ARK2N: variants seen among roughly 807,000 people sequenced by gnomAD.
ARK2N encodes protein ARK2N.
the ARK2N span, among the ~76,000 whole-genome samples, chr18:46,203,139 G>C: frequency 6.6e-6 from 1 of 152,162 alleles, no homozygotes; most frequent in Non-Finnish European, 1.5e-5. Flanking sequence ...TAACTCCTGG[G>C]TATATATACA....
chr18:46,251,528 A>G, the ARK2N span, among the ~76,000 whole-genome samples: 53 of 152,296 alleles, frequency 3.5e-4, no homozygotes, highest in African/African-American at 1.3e-3. Context: ...AGCCATTCTA[A>G]GCATTAAAAA....
chr18:46,187,663 A>T, the ARK2N span, among the ~76,000 whole-genome samples: 2 of 152,034 alleles, frequency 1.3e-5, no homozygotes, highest in Non-Finnish European at 2.9e-5. Flanking sequence ...AAAGGCAGAA[A>T]TTTTTATTTT....
chr18:46,260,591 C>T, the ARK2N span, among the ~76,000 whole-genome samples: 8 of 152,320 alleles, frequency 5.3e-5, no homozygotes, highest in South Asian at 1.7e-3. Flanking sequence ...AGTGCCCTGT[C>T]TCCTATTCTC....
chr18:46,182,504 G>A, the ARK2N span, among the ~76,000 whole-genome samples: 2 of 152,254 alleles, frequency 1.3e-5, no homozygotes, highest in Non-Finnish European at 2.9e-5. Flanking sequence ...AGCACCTTGG[G>A]AGGCAGAGTT....
chr18:46,182,329 A>C, the ARK2N span, among the ~76,000 whole-genome samples: 2 of 152,172 alleles, frequency 1.3e-5, no homozygotes. Flanking sequence ...AGTGGAGAGA[A>C]TTTTGGCAGC....
chr18:46,216,386 C>A, the ARK2N span: 1 of 1,613,970 alleles, frequency 6.2e-7, no homozygotes, highest in Non-Finnish European at 8.5e-7. This position sits in a 1 kb window ranked among gnomAD's most constrained non-coding sequence, Gnocchi z 4.3. Flanking sequence ...GGCCGAGTCG[C>A]CAAGGTTAAA....
chr18:46,211,045 C>T, the ARK2N span, among the ~76,000 whole-genome samples: 1 of 152,040 alleles, frequency 6.6e-6, no homozygotes, highest in Admixed American at 6.6e-5. Flanking sequence ...ATAGAGAAAC[C>T]TTGAAGCCAA....
the ARK2N span, among the ~76,000 whole-genome samples, chr18:46,215,601 T>G: frequency 6.6e-6 from 1 of 152,208 alleles, no homozygotes; most frequent in African/African-American, 2.4e-5. Context: ...ATTAATATTA[T>G]GGCATTTTTA....
At chr18:46,194,134 T>G in the ARK2N span, among the ~76,000 whole-genome samples, 1 of 152,036 alleles carries the variant, frequency 6.6e-6, no homozygotes, top group Non-Finnish European at 1.5e-5. Flanking sequence ...AAATTTTTTG[T>G]ATAGATGGGG....
chr18:46,176,651 G>C, the ARK2N span, among the ~76,000 whole-genome samples: 1 of 150,342 alleles, frequency 6.7e-6, no homozygotes, highest in African/African-American at 2.5e-5. Context: ...TTGAGATGGA[G>C]TTTTGCTCTT....
At chr18:46,216,501 T>C in the ARK2N span, 1 of 1,614,124 alleles carries the variant, frequency 6.2e-7, no homozygotes, top group Non-Finnish European at 8.5e-7. This position sits in a 1 kb window ranked among gnomAD's most constrained non-coding sequence, Gnocchi z 4.3. Flanking sequence ...GTAGTACCAG[T>C]GATAGTGACC....
chr18:46,201,709 G>A, the ARK2N span, among the ~76,000 whole-genome samples: 1 of 151,578 alleles, frequency 6.6e-6, no homozygotes, highest in Non-Finnish European at 1.5e-5. Flanking sequence ...TTTCACTAGC[G>A]GTATAAGCTA....
the ARK2N span, among the ~76,000 whole-genome samples, chr18:46,225,490 G>A: frequency 2.1e-4 from 32 of 152,024 alleles, no homozygotes; most frequent in South Asian, 2.7e-3. Context: ...ACGAAGTCTC[G>A]CTTTGTCGCG....
At chr18:46,186,941 G>T in the ARK2N span, among the ~76,000 whole-genome samples, 1 of 150,876 alleles carries the variant, frequency 6.6e-6, no homozygotes, top group Non-Finnish European at 1.5e-5. Flanking sequence ...TGCAACCTCT[G>T]CCTCCCGGAT....
At chr18:46,249,762 C>T in the ARK2N span, among the ~76,000 whole-genome samples, 2 of 152,136 alleles carry the variant, frequency 1.3e-5, no homozygotes, top group African/African-American at 4.8e-5. Context: ...TACTCAGTAC[C>T]ATCCTATCTC....
At chr18:46,260,206 C>T in the ARK2N span, among the ~76,000 whole-genome samples, 1 of 152,104 alleles carries the variant, frequency 6.6e-6, no homozygotes, top group Non-Finnish European at 1.5e-5. Context: ...TTATCTGAAA[C>T]TTGCCTTCTA....
the ARK2N span, among the ~76,000 whole-genome samples, chr18:46,178,877 G>A: frequency 6.7e-5 from 10 of 149,846 alleles, no homozygotes; most frequent in Non-Finnish European, 1.3e-4. Flanking sequence ...TCATGCCACT[G>A]CCTGAGACTC....
At chr18:46,224,325 C>CAGAG in the ARK2N span, among the ~76,000 whole-genome samples, 1 of 152,004 alleles carries the variant, frequency 6.6e-6, no homozygotes, top group East Asian at 1.9e-4. Context: ...AAAGCTGACC[C>CAGAG]AGAGGTATTC....
chr18:46,185,064 G>A, the ARK2N span, among the ~76,000 whole-genome samples: 2 of 152,240 alleles, frequency 1.3e-5, no homozygotes, highest in Non-Finnish European at 2.9e-5. Flanking sequence ...TTGATTCTAT[G>A]TAATGGAATG....
Sources: allele counts gnomAD v4.1 joint callset (sites outside exome capture counted in the v4.1 genomes callset), GRCh38; gene constraint gnomAD v4.1.1; non-coding constraint Gnocchi (gnomAD v3.1); transcripts MANE v1.5; gene names NCBI Gene and HGNC (gene_info 2026-07-23, HGNC 2026-07-21).